RIMS1: variants seen among roughly 807,000 people sequenced by gnomAD.
RIMS1 encodes regulating synaptic membrane exocytosis protein 1.
A neutral mutation model predicts 214.1 loss-of-function variants in RIMS1; 83 were observed. The ratio of observed to expected loss-of-function variants is 0.39; its 90% CI spans 0.32 to 0.47. The LOEUF (loss-of-function observed/expected upper bound fraction) is 0.47. Among genes scored for constraint, RIMS1 ranks in the 20% least tolerant of loss-of-function variants. The pLI, the probability that RIMS1 is intolerant of heterozygous loss-of-function variation, is 0.99. For missense variants in RIMS1, 2,050 were observed against 2,161.8 expected, an observed-to-expected ratio of 0.95 and a Z score of 1.03; for synonymous variants, 793 against 786.8, an observed-to-expected ratio of 1.01 and a Z score of -0.13.
At chr6:72,322,686 A>G (rs577253151) in intron 28 of RIMS1, among the ~76,000 whole-genome samples, 1 of 152,008 alleles carries the variant, frequency 6.6e-6, no homozygotes, top group Admixed American at 6.6e-5. Flanking sequence ...TTTTGAAAGG[A>G]GGGGAAAACA....
At chr6:71,932,494 G>A (rs111510653) in intron 1 of RIMS1, among the ~76,000 whole-genome samples, 2,901 of 152,154 alleles carry the variant, frequency 0.019, 94 homozygotes, top group African/African-American at 0.066. Flanking sequence ...GGTGGGAGGA[G>A]GGAGAAGATC....
At chr6:72,346,320 C>T (rs935130752) in intron 29 of RIMS1, among the ~76,000 whole-genome samples, 9 of 151,746 alleles carry the variant, frequency 5.9e-5, no homozygotes, top group African/African-American at 2.2e-4. Flanking sequence ...TTTATCTGTT[C>T]ATTACATGTA....
intron 4 of RIMS1, among the ~76,000 whole-genome samples, chr6:72,151,073 C>T (rs1334987787): frequency 1.3e-5 from 2 of 151,910 alleles, no homozygotes; most frequent in African/African-American, 2.4e-5. Flanking sequence ...GACGGAGTCT[C>T]GCTCTGTCAC....
intron 7 of RIMS1, among the ~76,000 whole-genome samples, chr6:72,234,488 C>T (rs2063272036): frequency 6.6e-6 from 1 of 151,962 alleles, no homozygotes; most frequent in African/African-American, 2.4e-5. Flanking sequence ...CCCTTTCCAC[C>T]TGTTTACCTT....
intron 2 of RIMS1, among the ~76,000 whole-genome samples, chr6:71,981,815 T>C (rs1339509473): frequency 6.6e-6 from 1 of 152,136 alleles, no homozygotes; most frequent in Non-Finnish European, 1.5e-5. Flanking sequence ...CTTTTTCATT[T>C]CTTTTGCCTT....
chr6:72,252,087 A>T (rs1192038769), intron 15 of RIMS1, among the ~76,000 whole-genome samples: 2 of 152,156 alleles, frequency 1.3e-5, no homozygotes, highest in African/African-American at 4.8e-5. Context: ...ATTGCTATTC[A>T]TCTAGTGATT....
chr6:71,934,326 A>G (rs1434197730), intron 1 of RIMS1, among the ~76,000 whole-genome samples: 1 of 152,218 alleles, frequency 6.6e-6, no homozygotes, highest in East Asian at 1.9e-4. Flanking sequence ...AATACGGAAC[A>G]TATTAACACT....
intron 11 of RIMS1, among the ~76,000 whole-genome samples, 162 bp downstream of exon 11, chr6:72,246,023 A>G (rs374509034): frequency 1.8e-3 from 277 of 152,308 alleles, no homozygotes; most frequent in Middle Eastern, 6.8e-3. Context: ...CTGGAAATCC[A>G]AAGAAGTCCT....
intron 2 of RIMS1, among the ~76,000 whole-genome samples, chr6:72,054,490 A>G (rs1199301058): frequency 1.3e-5 from 2 of 152,094 alleles, no homozygotes; most frequent in Non-Finnish European, 2.9e-5. Flanking sequence ...TTGATCCTTG[A>G]GGAATCACAA....
At chr6:72,126,024 A>G (rs2039439367) in intron 4 of RIMS1, among the ~76,000 whole-genome samples, 1 of 152,168 alleles carries the variant, frequency 6.6e-6, no homozygotes, top group South Asian at 2.1e-4. Flanking sequence ...AGTGAGATGA[A>G]CCAGGTATCT....
chr6:72,297,914 G>A (rs2094255811), intron 26 of RIMS1, among the ~76,000 whole-genome samples: 1 of 151,980 alleles, frequency 6.6e-6, no homozygotes, highest in Non-Finnish European at 1.5e-5. Context: ...GCTGAAGTTT[G>A]TCTTTGCTGG....
At chr6:72,027,003 G>A (rs1816711319) in intron 2 of RIMS1, among the ~76,000 whole-genome samples, 1 of 152,158 alleles carries the variant, frequency 6.6e-6, no homozygotes, top group Admixed American at 6.5e-5. Context: ...TCTAAATTCA[G>A]TGAGAAAAAT....
chr6:72,074,989 A>G (rs1434406079), intron 2 of RIMS1, among the ~76,000 whole-genome samples: 1 of 152,154 alleles, frequency 6.6e-6, no homozygotes, highest in Non-Finnish European at 1.5e-5. Context: ...ATCTCACAGT[A>G]TTACCAAGGC....
intron 28 of RIMS1, among the ~76,000 whole-genome samples, chr6:72,331,226 A>G (rs899381416): frequency 1.1e-4 from 16 of 151,788 alleles, no homozygotes; most frequent in Admixed American, 4.0e-4. Flanking sequence ...GAATTTCACA[A>G]TGGTGTTTTT....
chr6:72,245,980 A>G (rs1266792125), intron 11 of RIMS1, 119 bp downstream of exon 11: 6 of 684,830 alleles, frequency 8.8e-6, no homozygotes, highest in Non-Finnish European at 1.3e-5. Flanking sequence ...AGATGTCTCC[A>G]TTGGTACTAG....
intron 1 of RIMS1, among the ~76,000 whole-genome samples, chr6:71,923,036 G>T (rs1269972602): frequency 6.6e-6 from 1 of 152,168 alleles, no homozygotes; most frequent in Non-Finnish European, 1.5e-5. Flanking sequence ...TGAGATAAGT[G>T]AAATTGATAT....
intron 2 of RIMS1, among the ~76,000 whole-genome samples, chr6:72,059,085 T>C (rs1303479846): frequency 6.6e-6 from 1 of 152,162 alleles, no homozygotes; most frequent in African/African-American, 2.4e-5. Flanking sequence ...ATTTCTAACT[T>C]TAAATTCATG....
intron 7 of RIMS1, among the ~76,000 whole-genome samples, chr6:72,234,645 TG>T (rs948605906): frequency 3.9e-5 from 6 of 152,162 alleles, no homozygotes; most frequent in African/African-American, 1.4e-4. Context: ...ACATTTATAA[TG>T]TCATGCGTCC....
chr6:72,116,638 T>C (rs1189812593), intron 4 of RIMS1, among the ~76,000 whole-genome samples: 1 of 152,012 alleles, frequency 6.6e-6, no homozygotes, highest in Non-Finnish European at 1.5e-5. Context: ...TTGTGAGCTT[T>C]ACAGTCTCAG....
Sources: gnomAD v4.1 joint callset for allele counts (sites outside exome capture counted in the v4.1 genomes callset) on GRCh38, gnomAD v4.1.1 for gene constraint, MANE v1.5 for transcripts, NCBI Gene and HGNC (gene_info 2026-07-23, HGNC 2026-07-21) for gene names.